Variants in INPP5D observed in about 807,000 individuals in gnomAD.
INPP5D encodes inositol polyphosphate-5-phosphatase D, also known as phosphatidylinositol 3,4,5-trisphosphate 5-phosphatase 1.
INPP5D carries 33 observed loss-of-function variants against 122.9 expected under a neutral mutation model. That is an observed-to-expected ratio of 0.27 (90% CI 0.20 to 0.36). The LOEUF (loss-of-function observed/expected upper bound fraction) is 0.36, where lower values mean the gene tolerates loss of function less well. Ranked by LOEUF, INPP5D falls within the 10% of genes least tolerant of loss-of-function variation. The pLI is 1.00. For synonymous variants in INPP5D, 584 were observed against 576.2 expected (o/e 1.01, Z -0.19); for missense variants, 1,053 against 1,412.7 (o/e 0.75, Z 4.08).
chr2:233,158,245 A>G (rs993547418), intron 9 of INPP5D, 68 bp from the exon 10 acceptor site: 8 of 650,592 alleles, frequency 1.2e-5, no homozygotes, highest in African/African-American at 1.1e-4. Context: ...TGCCTGGAAC[A>G]TAATGGAGAC....
intron 2 of INPP5D, among the ~76,000 whole-genome samples, chr2:233,117,196 C>T (rs999722377): frequency 2.6e-5 from 4 of 152,148 alleles, no homozygotes; most frequent in South Asian, 2.1e-4. Flanking sequence ...GAATGGGGAA[C>T]GAAGTGTGGC....
At chr2:233,139,020 C>T (rs924745131) in intron 5 of INPP5D, among the ~76,000 whole-genome samples, 2 of 151,968 alleles carry the variant, frequency 1.3e-5, no homozygotes, top group African/African-American at 2.4e-5. Flanking sequence ...TCCTAAAGTG[C>T]TGGGATTACA....
rs1329379596 is a variant in INPP5D, at chr2:233,206,488, C to A, written c.3568-218C>A. 6.6e-6 allele frequency among the ~76,000 whole-genome samples: 1 copy of A among 152,174 alleles called. No individual in the cohort carries two copies. The highest frequency in any genetic ancestry group is 1.5e-5 in the Non-Finnish European group (1 of 68,040). On this transcript the variant is annotated intron_variant, in intron 26 of 26. Coordinates refer to ENST00000445964, the MANE Select transcript of INPP5D (RefSeq NM_001017915.3). The surrounding 1 kb of genome is among the most constrained non-coding windows in gnomAD (Gnocchi z 4.0). ...GCTGCAGTGAGCTATGATTGCACCA[C>A]TGCACTCCAGACTAGGCAACAGAGT... is the stretch of plus-strand genomic sequence containing the variant.
chr2:233,188,747 G>C lies in INPP5D; in HGVS notation c.2359-1103G>C, dbSNP rs1323452587. Among the ~76,000 whole-genome samples the C allele has an allele frequency of 6.6e-6, 1 of 152,126 alleles. No homozygotes were observed. The highest frequency in any genetic ancestry group is 2.4e-5 in the African/African-American group (1 of 41,398). Reference sequence around the variant, plus strand: ...TCGCTAATTTCTGTATTTTTTAGTAGAGACGGGGTTTCACCATGTTGGCCA... The same window carrying C: ...TCGCTAATTTCTGTATTTTTTAGTACAGACGGGGTTTCACCATGTTGGCCA... On this transcript the variant is annotated intron_variant, in intron 21 of 26. Transcript: ENST00000445964. The surrounding 1 kb of genome is among the most constrained non-coding windows in gnomAD (Gnocchi z 4.7).
chr2:233,150,991 A>G (rs139207110), intron 9 of INPP5D, among the ~76,000 whole-genome samples: 78,707 of 151,878 alleles, frequency 0.52, 21,003 homozygotes, highest in East Asian at 0.66. Flanking sequence ...CTCATCTCTC[A>G]CTGTGGTTCT....
At chr2:233,119,413 T>A (rs538614889) in intron 2 of INPP5D, among the ~76,000 whole-genome samples, 1 of 152,368 alleles carries the variant, frequency 6.6e-6, no homozygotes, top group East Asian at 1.9e-4. Flanking sequence ...ATTTTTGTTA[T>A]TCTGCTCACT....
At chr2:233,110,051 A>ATT (rs34202139) in intron 2 of INPP5D, among the ~76,000 whole-genome samples, 2 of 136,626 alleles carry the variant, frequency 1.5e-5, no homozygotes, top group East Asian at 2.1e-4. Context: ...TGCTCAGCTA[A>ATT]TTTTTTTTTT....
intron 1 of INPP5D, among the ~76,000 whole-genome samples, chr2:233,069,858 A>T (rs1465208426): frequency 2.0e-5 from 3 of 152,214 alleles, no homozygotes; most frequent in Non-Finnish European, 4.4e-5. Flanking sequence ...GAGTGGAATT[A>T]CTAGATCGAG....
At chr2:233,123,128 G>A (rs911767384) in intron 3 of INPP5D, among the ~76,000 whole-genome samples, 6 of 151,902 alleles carry the variant, frequency 3.9e-5, no homozygotes, top group Admixed American at 3.9e-4. Flanking sequence ...AAGGGGGAGG[G>A]GGAAATACAA....
chr2:233,109,850 T>G (rs955916959), intron 2 of INPP5D, among the ~76,000 whole-genome samples: 9 of 150,822 alleles, frequency 6.0e-5, no homozygotes, highest in Non-Finnish European at 1.2e-4. Context: ...CCTCCCTAAG[T>G]GCTGGGATTA....
At position 233,149,901 on chromosome 2, in the gene INPP5D, C is replaced by G. The variant is rs539461715; in HGVS notation, c.1030+2307C>G. 2.0e-5 allele frequency among the ~76,000 whole-genome samples: 3 copies of G among 152,244 alleles called. No homozygotes were observed. The South Asian group carries it at 6.2e-4, about 32-fold the overall frequency. On this transcript the variant is annotated intron_variant, in intron 9 of 26. Coordinates refer to ENST00000445964, the MANE Select transcript of INPP5D (RefSeq NM_001017915.3). ...GCTCAATATCATTGACTGTCACCAC[C>G]ACCACCACCATTATTATTACCCTTC...
intron 14 of INPP5D, 178 bp from the exon 15 acceptor site, chr2:233,169,848 T>C: frequency 8.2e-7 from 1 of 1,222,424 alleles, no homozygotes; most frequent in South Asian, 1.5e-5. Flanking sequence ...CTTTGCATCC[T>C]GGCTGTGCCA....
chr2:233,159,022 T>C (rs1336596009), intron 10 of INPP5D, among the ~76,000 whole-genome samples: 3 of 152,128 alleles, frequency 2.0e-5, no homozygotes, highest in Non-Finnish European at 2.9e-5. Flanking sequence ...GCTCAGGCAA[T>C]CTTCCCGCCT....
At chr2:233,139,505 T>TGTGTGTGTGTGTGTGTGTGTGTG (rs1574759280) in intron 5 of INPP5D, among the ~76,000 whole-genome samples, 1 of 145,232 alleles carries the variant, frequency 6.9e-6, no homozygotes, top group African/African-American at 2.6e-5. Flanking sequence ...TGTGTGTGTG[T>TGTGTGTGTGTGTGTGTGTGTGTG]TTTATAAACA....
intron 23 of INPP5D, 119 bp from the exon 24 acceptor site, chr2:233,195,280 C>G: frequency 6.7e-7 from 1 of 1,491,648 alleles, no homozygotes; most frequent in African/African-American, 1.4e-5. Context: ...ACTCACCTCT[C>G]CAGGTACTCA....
chr2:233,171,279 A>G lies in INPP5D; in HGVS notation c.1989+127A>G. The G allele has an allele frequency of 2.1e-6, 3 of 1,412,024 alleles. No homozygotes were observed. The South Asian group carries it at 4.3e-5, about 20-fold the overall frequency. The allele number at this position is 1,412,024 out of a possible 1,614,324, so 87.5% of individuals were successfully genotyped here. A position where few individuals can be genotyped will look rare whatever the true frequency, so the allele number is the denominator to read the frequency against. ...AAAAAAGGAAAGAAAAAAATTAGAA[A>G]GCACATGTTGATTTGTGTTACAGAG... is the stretch of plus-strand genomic sequence containing the variant. On this transcript the variant is annotated intron_variant, in intron 17 of 26. Transcript: ENST00000445964.
chr2:233,099,967 T>C (rs1330430758), intron 2 of INPP5D, among the ~76,000 whole-genome samples: 1 of 152,116 alleles, frequency 6.6e-6, no homozygotes, highest in Admixed American at 6.5e-5. Context: ...GCTTGTGCAG[T>C]CAAACTCCCA....
chr2:233,169,141 C>G (rs1398904588), intron 13 of INPP5D, among the ~76,000 whole-genome samples, 164 bp from the exon 14 acceptor site: 1 of 152,180 alleles, frequency 6.6e-6, no homozygotes, highest in Non-Finnish European at 1.5e-5. Context: ...TTTCTCATCT[C>G]CCGCTCTCTG....
At chr2:233,098,936 T>TTTTATGTATTTATTTATTTA (rs1692225340) in intron 2 of INPP5D, among the ~76,000 whole-genome samples, 1 of 145,986 alleles carries the variant, frequency 6.8e-6, no homozygotes, top group Non-Finnish European at 1.5e-5. Flanking sequence ...GGAACTTTAT[T>TTTTATGTATTTATTTATTTA]TTTATTTATT....
Sources: gnomAD v4.1 joint callset for allele counts (sites outside exome capture counted in the v4.1 genomes callset) on GRCh38, gnomAD v4.1.1 for gene constraint, Gnocchi (gnomAD v3.1) non-coding constraint, MANE v1.5 for transcripts, NCBI Gene and HGNC (gene_info 2026-07-23, HGNC 2026-07-21) for gene names.